Variants in PXMP4 observed in about 807,000 individuals in gnomAD.
PXMP4 encodes peroxisomal membrane protein 4, also known as 24 kDa peroxisomal intrinsic membrane protein.
Under a neutral mutation model 21.6 loss-of-function variants are expected in PXMP4, and 16 were observed. That is an observed-to-expected ratio of 0.74 (90% CI 0.50 to 1.13). The LOEUF (loss-of-function observed/expected upper bound fraction) is 1.13. Among genes scored for constraint, PXMP4 ranks in the 50% most tolerant of loss-of-function variants. The pLI is 0.00. For missense variants in PXMP4, 240 were observed against 277.7 expected (o/e 0.86, Z 0.96); for synonymous variants, 127 against 123.8 (o/e 1.03, Z -0.17).
chr20:33,714,859 A>G, intron 1 of PXMP4, 123 bp from the exon 2 acceptor site: 2 of 929,606 alleles, frequency 2.2e-6, no homozygotes, highest in South Asian at 1.4e-5. Context: ...TGGGAGGGGA[A>G]ATCATGCTGG....
Position 33,719,133 on chromosome 20 carries a change from T to C in PXMP4, c.113+962A>G, listed in dbSNP as rs187642633. 2.6e-3 allele frequency among the ~76,000 whole-genome samples: 395 copies of C among 152,348 alleles called. 3 individuals carry two copies. Among genetic ancestry groups the C allele is most frequent in the African/African-American group, 8.9e-3 (370 of 41,580 alleles). On this transcript the variant is annotated intron_variant, in intron 1 of 3. Coordinates refer to ENST00000409299, the MANE Select transcript of PXMP4 (RefSeq NM_007238.5). ...CTAGTCTCGAACTCCTGACCTCAGA[T>C]AATCCGCCTGCCTCGGCCTCCCAAA...
At chr20:33,717,660 T>TAAAAAAAAAAAAA (rs2018398410) in intron 1 of PXMP4, among the ~76,000 whole-genome samples, 8 of 109,052 alleles carry the variant, frequency 7.3e-5, no homozygotes, top group African/African-American at 2.9e-4. Flanking sequence ...AAAAAAAAAT[T>TAAAAAAAAAAAAA]ATTAAATATT....
Position 33,703,381 on chromosome 20 carries a change from A to T in PXMP4, c.*4325T>A, listed in dbSNP as rs1189742774. ...TACGACAACGCCTACTTTATCAATG[A>T]GGAAATAGAGGCACAGAATGGCTCA... On this transcript the variant is annotated 3_prime_UTR_variant, in exon 4 of 4. Coordinates refer to ENST00000409299, the MANE Select transcript of PXMP4 (RefSeq NM_007238.5). The T allele has an allele frequency of 6.6e-6, 1 of 152,256 alleles. No homozygotes were observed. Among genetic ancestry groups the T allele is most frequent in the Non-Finnish European group, 1.5e-5 (1 of 68,056 alleles). 9.4% of individuals were successfully genotyped at this position (152,256 alleles called of 1,614,324 possible).
At chr20:33,716,566 G>A (rs2018385156) in intron 1 of PXMP4, among the ~76,000 whole-genome samples, 1 of 152,080 alleles carries the variant, frequency 6.6e-6, no homozygotes, top group Non-Finnish European at 1.5e-5. Flanking sequence ...TTAATGACTC[G>A]GTTATTCAGT....
Position 33,720,091 on chromosome 20 carries a change from TCA to T in PXMP4, c.113+2_113+3del. Reference sequence around the variant, plus strand: ...CCCCAGCCCGGCCCGACGGCCCCACTCACACAGCCCCGTTCCGGAAGCCCTTA... The same window carrying T: ...CCCCAGCCCGGCCCGACGGCCCCACTCACAGCCCCGTTCCGGAAGCCCTTA... On this transcript the variant is annotated splice_donor_variant and splice_donor_region_variant and intron_variant, in intron 1 of 3. Coordinates refer to ENST00000409299, the MANE Select transcript of PXMP4 (RefSeq NM_007238.5). LOFTEE classifies it high-confidence loss of function. 1 of 1,613,034 alleles carries T rather than the reference TCA, an allele frequency of 6.2e-7. No individual in the cohort carries two copies. The highest frequency in any genetic ancestry group is 1.1e-5 in the South Asian group (1 of 91,052).
In PXMP4 at chr20:33,710,664, C is replaced by G; in HGVS notation, c.266G>C (p.Arg89Pro). Reference sequence around the variant, plus strand: ...GCCTTGTATGTAGGACTGCAGGGCACGGAGACCCTTGTAGGTGAACACAAA... The same window carrying G: ...GCCTTGTATGTAGGACTGCAGGGCAGGGAGACCCTTGTAGGTGAACACAAA... ...ARFVFTYKGLRALQSYIQGKT... is the reference protein window; with the variant it reads ...ARFVFTYKGLPALQSYIQGKT... The change falls in exon 3 of 4, where the codon CGT (arginine) becomes CCT (proline). Residue 89 changes from arginine to proline, a missense_variant. Coordinates refer to ENST00000409299, the MANE Select transcript of PXMP4 (RefSeq NM_007238.5). The G allele has an allele frequency of 6.2e-7, 1 of 1,613,864 alleles. No individual in the cohort carries two copies. The highest frequency in any genetic ancestry group is 8.5e-7 in the Non-Finnish European group (1 of 1,179,904).
rs576922530 is a variant in PXMP4 at position 33,718,484 on chromosome 20, C to T, written c.113+1611G>A. On this transcript the variant is annotated intron_variant, in intron 1 of 3. Transcript: ENST00000409299. ...CGAGATTGCGCCACTGCACTCCAGC[C>T]TGGGCAACAGAGCGACACTCCATCT... 1.2e-4 allele frequency among the ~76,000 whole-genome samples: 16 copies of T among 134,772 alleles called. No homozygotes were observed. The South Asian group carries it at 3.3e-3, about 28-fold the overall frequency. 88.4% of individuals were successfully genotyped at this position (134,772 alleles called of 152,430 possible).
At position 33,707,645 on chromosome 20, in the gene PXMP4, C is replaced by A; in HGVS notation, c.*61G>T. 1 of 1,577,234 alleles carries A rather than the reference C, an allele frequency of 6.3e-7. No homozygotes were observed. Among genetic ancestry groups the A allele is most frequent in the East Asian group, 2.3e-5 (1 of 44,384 alleles). On this transcript the variant is annotated 3_prime_UTR_variant, in exon 4 of 4. Transcript: ENST00000409299. The stretch of plus-strand genomic sequence containing the variant: ...GCCTATGATCTTGAGAAGGCAGTAT[C>A]CTTTGGGAGGGTCTGCATGGGGCCA...
chr20:33,708,140 T>G (rs2018283503), intron 3 of PXMP4, among the ~76,000 whole-genome samples, 171 bp from the exon 4 acceptor site: 1 of 152,142 alleles, frequency 6.6e-6, no homozygotes, highest in South Asian at 2.1e-4. Context: ...GGTCCTTTTC[T>G]CTATTGATTT....
Position 33,714,720 on chromosome 20 carries a change from G to C in PXMP4, c.130C>G (p.Arg44Gly). 1 of 1,613,988 alleles carries C rather than the reference G, an allele frequency of 6.2e-7. No individual in the cohort carries two copies. The highest frequency in any genetic ancestry group is 8.5e-7 in the Non-Finnish European group (1 of 1,179,952). ...RNGAVYGAKI[R>G]APHALVMTFL... is the part of the protein sequence containing the mutation. ...GTCATGACCAGCGCGTGAGGGGCCC[G>C]GATTTTGGCTCCATAGCTGTAGAAA... is the stretch of plus-strand genomic sequence containing the variant. The change falls in exon 2 of 4, where the codon CGG becomes GGG. Residue 44 changes from arginine to glycine, a missense_variant. Physicochemically the swap from Arg to Gly is moderately radical, Grantham distance 125. Coordinates refer to ENST00000409299, the MANE Select transcript of PXMP4 (RefSeq NM_007238.5).
chr20:33,717,658 A>AAAAAAAAAT (rs1555866644), intron 1 of PXMP4, among the ~76,000 whole-genome samples: 43 of 137,554 alleles, frequency 3.1e-4, no homozygotes, highest in East Asian at 8.2e-4. Flanking sequence ...AAAAAAAAAA[A>AAAAAAAAAT]TTATTAAATA....
chr20:33,707,851 C>T lies in PXMP4; in HGVS notation c.494G>A (p.Gly165Glu), dbSNP rs938911391. Residue 165 changes from glycine (G) to glutamate (E), a missense_variant, in exon 4 of 4, where the codon GGG becomes GAG. Gly to Glu is a moderately conservative substitution (Grantham distance 98). Coordinates refer to ENST00000409299, the MANE Select transcript of PXMP4 (RefSeq NM_007238.5). ...PFPLLTAVVW[G>E]LVLWLFEYHR... ...ATACTCAAAGAGCCACAGCACCAGCCCCCACACCACCGCAGTGAGCAGCGG... is the reference window on the plus strand; with the variant it reads ...ATACTCAAAGAGCCACAGCACCAGCTCCCACACCACCGCAGTGAGCAGCGG... The T allele has an allele frequency of 1.4e-5, 22 of 1,614,178 alleles. No individual in the cohort carries two copies. Among genetic ancestry groups the T allele is most frequent in the Admixed American group, 3.3e-5 (2 of 60,016 alleles).
At chr20:33,718,795 C>T (rs1299463136) in intron 1 of PXMP4, among the ~76,000 whole-genome samples, 2 of 152,226 alleles carry the variant, frequency 1.3e-5, no homozygotes, top group African/African-American at 4.8e-5. Flanking sequence ...TGATCTTGCA[C>T]ACTTATTCAT....
rs1441856647 is a variant in PXMP4 at position 33,705,669 on chromosome 20, A to C, written c.*2037T>G. ...GTCTCCAGTTCCCTATGTCCCCATC[A>C]CTCCTCATCGCATAGCACTATGTCA... is the stretch of plus-strand genomic sequence containing the variant. On this transcript the variant is annotated 3_prime_UTR_variant, in exon 4 of 4. Transcript: ENST00000409299. 1 of 151,130 alleles carries C rather than the reference A, an allele frequency of 6.6e-6. No homozygotes were observed. The highest frequency in any genetic ancestry group is 2.0e-4 in the East Asian group (1 of 5,122). 9.4% of individuals were successfully genotyped at this position (151,130 alleles called of 1,614,324 possible). A position where few individuals can be genotyped will look rare whatever the true frequency, so the allele number is the denominator to read the frequency against.
rs148782209 is a variant in PXMP4, at chr20:33,706,194, G to C, written c.*1512C>G. 2,691 of 152,092 alleles carry C rather than the reference G, an allele frequency of 0.018. 35 individuals are homozygous for C. Among genetic ancestry groups the C allele is most frequent in the Non-Finnish European group, 0.03 (2,006 of 67,998 alleles). The allele number at this position is 152,092 out of a possible 1,614,324, so 9.4% of individuals were successfully genotyped here. ...GCCTGCCTCAGCCTCCCAAAGTGCT[G>C]GGATTACAGGCGTGAGCCACTGCAC... On this transcript the variant is annotated 3_prime_UTR_variant, in exon 4 of 4. Coordinates refer to ENST00000409299, the MANE Select transcript of PXMP4 (RefSeq NM_007238.5).
intron 1 of PXMP4, among the ~76,000 whole-genome samples, chr20:33,717,376 C>T (rs1270038617): frequency 1.3e-5 from 2 of 151,832 alleles, no homozygotes. Context: ...CGCGGTGGCT[C>T]ACGCCTGTAA....
At position 33,706,719 on chromosome 20, in the gene PXMP4, C is replaced by T. The variant is rs1301256570; in HGVS notation, c.*987G>A. 2.6e-5 allele frequency: 4 copies of T among 152,016 alleles called. No homozygotes were observed. Among genetic ancestry groups the T allele is most frequent in the Admixed American group, 1.3e-4 (2 of 15,268 alleles). 9.4% of individuals were successfully genotyped at this position (152,016 alleles called of 1,614,324 possible). A position where few individuals can be genotyped will look rare whatever the true frequency, so the allele number is the denominator to read the frequency against. ...ACAAGTGTTCCATATCTGTGTTGCCCGTCACAGCAGCCACTAGCCACATGT... is the reference window on the plus strand; with the variant it reads ...ACAAGTGTTCCATATCTGTGTTGCCTGTCACAGCAGCCACTAGCCACATGT... On this transcript the variant is annotated 3_prime_UTR_variant, in exon 4 of 4. Transcript: ENST00000409299.
At chr20:33,720,027 C>A in intron 1 of PXMP4, 68 bp downstream of exon 1, 2 of 1,484,604 alleles carry the variant, frequency 1.3e-6, no homozygotes, top group Non-Finnish European at 1.9e-6. Flanking sequence ...CATCGGACTT[C>A]GAACTCGCGC....
At chr20:33,718,891 G>T (rs947268544) in intron 1 of PXMP4, among the ~76,000 whole-genome samples, 2 of 152,184 alleles carry the variant, frequency 1.3e-5, no homozygotes, top group African/African-American at 4.8e-5. Context: ...ATGGCCTCAT[G>T]AAACTTTCTT....
Sources: gnomAD v4.1 joint callset for allele counts (sites outside exome capture counted in the v4.1 genomes callset) on GRCh38, gnomAD v4.1.1 for gene constraint, MANE v1.5 for transcripts, NCBI Gene and HGNC (gene_info 2026-07-23, HGNC 2026-07-21) for gene names.